The following INSL6 variants were observed in gnomAD, a reference collection of about 807,000 sequenced individuals.
INSL6 encodes the protein insulin like 6.
INSL6 carries 16 observed loss-of-function variants against 9.4 expected under a neutral mutation model. The ratio of observed to expected loss-of-function variants is 1.70; its 90% CI spans 1.15 to 2.59. The LOEUF is 2.59. INSL6 is among the 30% of genes most tolerant of loss of function. The pLI is 0.00. For synonymous variants in INSL6, 154 were observed against 96.9 expected (o/e 1.59, Z -3.46); for missense variants, 391 against 257.3 (o/e 1.52, Z -3.56).
chr9:5,168,559 C>T (rs1298592556), intron 1 of INSL6, among the ~76,000 whole-genome samples: 1 of 152,026 alleles, frequency 6.6e-6, no homozygotes, highest in Non-Finnish European at 1.5e-5. Context: ...ATGAATAAAA[C>T]CTCCGAGAAC....
At chr9:5,061,925 C>T in the INSL6 span, among the ~76,000 whole-genome samples, 1 of 152,118 alleles carries the variant, frequency 6.6e-6, no homozygotes, top group Non-Finnish European at 1.5e-5. Flanking sequence ...GGCCTAATTT[C>T]ATTATTGTTG....
the INSL6 span, among the ~76,000 whole-genome samples, chr9:5,015,958 C>A: frequency 2.0e-5 from 3 of 152,066 alleles, no homozygotes; most frequent in Non-Finnish European, 4.4e-5. Context: ...ATTATAAGTG[C>A]AAAATACTGA....
downstream of INSL6, chr9:5,163,780 A>T: frequency 3.1e-6 from 2 of 636,678 alleles, no homozygotes; most frequent in Admixed American, 5.6e-5. Flanking sequence ...TACCACTATA[A>T]GGTATGGTCA....
chr9:5,168,881 T>C (rs1488402819), intron 1 of INSL6, among the ~76,000 whole-genome samples: 1 of 151,358 alleles, frequency 6.6e-6, no homozygotes, highest in Non-Finnish European at 1.5e-5. Flanking sequence ...GGCCTCTCAG[T>C]GGAAACCCTA....
At chr9:5,053,006 A>G in the INSL6 span, among the ~76,000 whole-genome samples, 1 of 151,966 alleles carries the variant, frequency 6.6e-6, no homozygotes, top group East Asian at 1.9e-4. Context: ...TTTCTTGTGC[A>G]TATATTTAGG....
the INSL6 span, among the ~76,000 whole-genome samples, chr9:5,058,629 T>C: frequency 6.6e-6 from 1 of 152,208 alleles, no homozygotes; most frequent in African/African-American, 2.4e-5. Flanking sequence ...GGAGCCACCA[T>C]GCTGTTTTCC....
the INSL6 span, among the ~76,000 whole-genome samples, chr9:5,035,922 G>T: frequency 6.6e-6 from 1 of 152,206 alleles, no homozygotes; most frequent in Non-Finnish European, 1.5e-5. Context: ...ATTTGATTAG[G>T]AAAAGAGGAA....
chr9:5,163,974 G>T lies in INSL6; in HGVS notation c.581C>A (p.Pro194Gln). The T allele has an allele frequency of 6.2e-7, 1 of 1,611,622 alleles. No homozygotes were observed. The highest frequency in any genetic ancestry group is 8.5e-7 in the Non-Finnish European group (1 of 1,179,518). ...CTTTAGCCTTTTAAAATCAATATATGGAAGACATGCAATGCTAAGTTCTTC... is the reference window on the plus strand; with the variant it reads ...CTTTAGCCTTTTAAAATCAATATATTGAAGACATGCAATGCTAAGTTCTTC... ...TKEELSIACL[P>Q]YIDFKRLKEK... The change falls in exon 2 of 2, where the codon CCA becomes CAA. Residue 194 changes from proline to glutamine, a missense_variant. Pro to Gln is a moderately conservative substitution (Grantham distance 76, BLOSUM62 -1). Coordinates refer to ENST00000381641, the MANE Select transcript of INSL6 (RefSeq NM_007179.3).
At chr9:5,164,693 AT>A (rs1825008944) in intron 1 of INSL6, among the ~76,000 whole-genome samples, 1 of 152,098 alleles carries the variant, frequency 6.6e-6, no homozygotes, top group Admixed American at 6.5e-5. Flanking sequence ...GTTTCTATGG[AT>A]TTGCCTATTC....
At chr9:5,051,248 A>C in the INSL6 span, among the ~76,000 whole-genome samples, 1 of 152,220 alleles carries the variant, frequency 6.6e-6, no homozygotes, top group Non-Finnish European at 1.5e-5. Context: ...AGGAAATATC[A>C]TAGGTATTAA....
the INSL6 span, among the ~76,000 whole-genome samples, chr9:5,051,952 T>C: frequency 6.6e-6 from 1 of 152,046 alleles, no homozygotes; most frequent in Non-Finnish European, 1.5e-5. Flanking sequence ...ATCTAGAAGA[T>C]TCCAAAGCCC....
chr9:5,055,928 A>C, the INSL6 span: 4 of 688,314 alleles, frequency 5.8e-6, no homozygotes, highest in Admixed American at 6.1e-5. Flanking sequence ...TCAGTTCAGT[A>C]AACTTTTTGA....
At chr9:5,148,435 G>A (rs949575127) in intron 2 of INSL6, among the ~76,000 whole-genome samples, 2 of 152,078 alleles carry the variant, frequency 1.3e-5, no homozygotes, top group African/African-American at 2.4e-5. Flanking sequence ...TCACCCGGTC[G>A]GCTCATGGAC....
At chr9:5,066,580 AC>A in the INSL6 span, 4 of 706,194 alleles carry the variant, frequency 5.7e-6, no homozygotes, top group Non-Finnish European at 1.0e-5. Flanking sequence ...GACAATTCTG[AC>A]AGTTTTAGAT....
At chr9:5,134,778 A>C (rs1188308253) in intron 2 of INSL6, among the ~76,000 whole-genome samples, 1 of 152,186 alleles carries the variant, frequency 6.6e-6, no homozygotes, top group East Asian at 1.9e-4. Flanking sequence ...AACTGCATCA[A>C]CTAAAGGGCA....
the INSL6 span, among the ~76,000 whole-genome samples, chr9:5,068,754 T>C: frequency 6.6e-6 from 1 of 152,238 alleles, no homozygotes; most frequent in Admixed American, 6.5e-5. Context: ...TGGAAAACTA[T>C]TAAGGATGGT....
chr9:5,153,035 C>T (rs778947506), intron 2 of INSL6, among the ~76,000 whole-genome samples: 1 of 152,174 alleles, frequency 6.6e-6, no homozygotes, highest in African/African-American at 2.4e-5. Context: ...CCATGGTCCT[C>T]GCAATCCGCA....
intron 1 of INSL6, among the ~76,000 whole-genome samples, chr9:5,173,644 A>G (rs1825233740): frequency 6.6e-6 from 1 of 152,128 alleles, no homozygotes; most frequent in African/African-American, 2.4e-5. Context: ...CATCAGGAAA[A>G]ATAGCTAATG....
At chr9:5,080,443 G>T in the INSL6 span, 1 of 1,543,034 alleles carries the variant, frequency 6.5e-7, no homozygotes, top group Non-Finnish European at 8.8e-7. Context: ...TCTTTCACAT[G>T]ATTTGTATTT....
Sources: gnomAD v4.1 joint callset for allele counts (sites outside exome capture counted in the v4.1 genomes callset) on GRCh38, gnomAD v4.1.1 for gene constraint, MANE v1.5 for transcripts, NCBI Gene and HGNC (gene_info 2026-07-23, HGNC 2026-07-21) for gene names.